Variants in NLRC5 observed in about 807,000 individuals in gnomAD.
NLRC5 encodes protein NLRC5.
Under a neutral mutation model 206.9 loss-of-function variants are expected in NLRC5, and 114 were observed. That is an observed-to-expected ratio of 0.55 (90% CI 0.47 to 0.64). NLRC5 has a LOEUF of 0.64. Among genes scored for constraint, NLRC5 ranks in the 30% least tolerant of loss-of-function variants. NLRC5 has a pLI of 0.00. For missense variants in NLRC5, 2,008 were observed against 2,305.5 expected, an observed-to-expected ratio of 0.87 and a Z score of 2.64; for synonymous variants, 952 against 962.8, an observed-to-expected ratio of 0.99 and a Z score of 0.21.
At chr16:57,045,039 T>C (rs2063759518) in intron 20 of NLRC5, among the ~76,000 whole-genome samples, 1 of 152,012 alleles carries the variant, frequency 6.6e-6, no homozygotes, top group African/African-American at 2.4e-5. Flanking sequence ...ACCCCATCTC[T>C]ACAAAAAATA....
rs920500899 is a variant in NLRC5, at chr16:57,064,793, G to A, written c.4155-419G>A. 5.9e-5 allele frequency among the ~76,000 whole-genome samples: 9 copies of A among 151,948 alleles called. 1 individual carries two copies. The highest frequency in any genetic ancestry group is 1.9e-4 in the East Asian group (1 of 5,190). ...ACAAAAATTAGCCAGGCGTGGTGGC[G>A]CATGCCTGTAATCCCAGCTACTTGG... On this transcript the variant is annotated intron_variant, in intron 32 of 48. Transcript: ENST00000688547.
At chr16:57,036,008 C>T (rs879179314) in intron 13 of NLRC5, 92 bp from the exon 14 acceptor site, 13 of 1,228,934 alleles carry the variant, frequency 1.1e-5, no homozygotes, top group Non-Finnish European at 1.5e-5. Context: ...GAGAGTGACA[C>T]TTTGACTAAA....
In NLRC5 at chr16:57,061,461, A is replaced by C. The variant is rs762503616; in HGVS notation, c.4000A>C (p.Ser1334Arg). The C allele has an allele frequency of 6.2e-7, 1 of 1,611,488 alleles. No homozygotes were observed. Residue 1334 changes from serine to arginine, a missense_variant, in exon 31 of 49, where the codon AGC becomes CGC. Coordinates refer to ENST00000688547, the MANE Select transcript of NLRC5 (RefSeq NM_001384950.1). ...TTCTGCCCTCAGGCTAAGTGAGTGC[A>C]GCTTCCGGCCAGAGCACGTGTCCAG... ...AGKTLRLSEC[S>R]FRPEHVSRLA...
intron 1 of NLRC5, among the ~76,000 whole-genome samples, chr16:57,006,545 TG>T: frequency 6.6e-6 from 1 of 151,758 alleles, no homozygotes; most frequent in Non-Finnish European, 1.5e-5. Context: ...CCTGAGTGGC[TG>T]GATGCTGCTT....
At chr16:57,047,016 C>T (rs144057809) in intron 22 of NLRC5, among the ~76,000 whole-genome samples, 2,371 of 152,322 alleles carry the variant, frequency 0.016, 38 homozygotes, top group Non-Finnish European at 0.018. Context: ...CAAGCTCTGC[C>T]ATGAGAGGCT....
chr16:57,011,899 G>A (rs2059549685), intron 1 of NLRC5, among the ~76,000 whole-genome samples: 1 of 152,088 alleles, frequency 6.6e-6, no homozygotes, highest in South Asian at 2.1e-4. Flanking sequence ...ACTTCATTGA[G>A]GTGTAATTTA....
At chr16:57,035,396 A>ATGT (rs2062423912) in intron 13 of NLRC5, among the ~76,000 whole-genome samples, 1 of 151,996 alleles carries the variant, frequency 6.6e-6, no homozygotes, top group Non-Finnish European at 1.5e-5. Flanking sequence ...ACTGCTCAGG[A>ATGT]TAAAACCCAC....
intron 1 of NLRC5, among the ~76,000 whole-genome samples, chr16:57,005,511 A>G (rs78459786): frequency 0.045 from 6,791 of 151,098 alleles, 253 homozygotes; most frequent in South Asian, 0.18. Context: ...AAAAAAAAAA[A>G]AGAGAAAGAA....
intron 2 of NLRC5, among the ~76,000 whole-genome samples, chr16:57,017,575 G>A (rs2142845596): frequency 6.6e-6 from 1 of 152,236 alleles, no homozygotes; most frequent in Admixed American, 6.5e-5. Context: ...TGTCTCGTGT[G>A]GATTGACTGG....
At chr16:57,067,499 C>A (rs2067196933) in intron 35 of NLRC5, 29 bp downstream of exon 35, 8 of 1,603,808 alleles carry the variant, frequency 5.0e-6, no homozygotes, top group Non-Finnish European at 6.8e-6. Flanking sequence ...TGTGTGGGGC[C>A]CTGAGTTCTC....
chr16:57,035,752 G>T (rs1208461293), intron 13 of NLRC5, among the ~76,000 whole-genome samples: 2 of 152,220 alleles, frequency 1.3e-5, no homozygotes, highest in Non-Finnish European at 2.9e-5. Context: ...AGTTGAGGGT[G>T]GGGCCTTGAA....
intron 6 of NLRC5, among the ~76,000 whole-genome samples, chr16:57,027,554 C>G (rs778135535): frequency 4.6e-5 from 7 of 152,230 alleles, no homozygotes; most frequent in Non-Finnish European, 8.8e-5. Flanking sequence ...AATTTTATTT[C>G]TCTCTCATGG....
chr16:57,051,743 C>T, intron 24 of NLRC5, 122 bp downstream of exon 24: 1 of 684,624 alleles, frequency 1.5e-6, no homozygotes, highest in Non-Finnish European at 2.6e-6. Flanking sequence ...CTCCAACCCC[C>T]TCTACCCGCT....
chr16:57,020,736 C>G lies in NLRC5; in HGVS notation c.24C>G (p.Leu8=). 1 of 1,611,302 alleles carries G rather than the reference C, an allele frequency of 6.2e-7. No homozygotes were observed. The highest frequency in any genetic ancestry group is 8.5e-7 in the Non-Finnish European group (1 of 1,179,432). The part of the protein sequence containing the change: MDPVGLQ[L]GNKNLWSCLV... ...TCATGGACCCCGTTGGCCTCCAGCT[C>G]GGCAACAAGAACCTGTGGAGCTGTC... The change falls in exon 3 of 49, where the codon CTC becomes CTG. Residue 8 remains leucine (L), a synonymous_variant. Coordinates refer to ENST00000688547, the MANE Select transcript of NLRC5 (RefSeq NM_001384950.1).
At position 57,057,933 on chromosome 16, in the gene NLRC5, T is replaced by C. The variant is rs1597389416; in HGVS notation, c.3747-132T>C. On this transcript the variant is annotated intron_variant, in intron 27 of 48. Coordinates refer to ENST00000688547, the MANE Select transcript of NLRC5 (RefSeq NM_001384950.1). ...GTGGTGATACTGGTGATGGTGGTGA[T>C]GGTGGTGGCGCTGGTGACCCTGACA... The C allele has an allele frequency of 5.7e-6, 4 of 704,742 alleles. No individual in the cohort carries two copies. In the East Asian group the frequency reaches 1.1e-4, roughly 19 times the overall value. 43.7% of individuals were successfully genotyped at this position (704,742 alleles called of 1,614,324 possible). A position where few individuals can be genotyped will look rare whatever the true frequency, so the allele number is the denominator to read the frequency against.
chr16:57,033,520 G>A, intron 11 of NLRC5, 84 bp from the exon 12 acceptor site: 1 of 1,343,864 alleles, frequency 7.4e-7, no homozygotes, highest in Non-Finnish European at 1.1e-6. Flanking sequence ...AGGGTCTTCA[G>A]CCTCTAGAAG....
rs756086053 is a variant in NLRC5 at position 57,079,165 on chromosome 16, G to T, written c.5165+32G>T. ...AGGGGCTGCCCAGCCCAGGCACGGG[G>T]ACAGTCCTGGGCGGGTCTGGGGGTT... On this transcript the variant is annotated intron_variant, in intron 44 of 48. Transcript: ENST00000688547. The T allele has an allele frequency of 4.3e-6, 7 of 1,613,114 alleles. No homozygotes were observed. The South Asian group carries it at 4.4e-5, about 10-fold the overall frequency.
chr16:57,060,127 T>C (rs1262305440), intron 30 of NLRC5, among the ~76,000 whole-genome samples: 2 of 151,692 alleles, frequency 1.3e-5, no homozygotes, highest in Non-Finnish European at 2.9e-5. Context: ...TTACTTCAGC[T>C]GTGAACAGGG....
At chr16:57,037,383 G>C in intron 15 of NLRC5, 99 bp downstream of exon 15, 1 of 1,106,464 alleles carries the variant, frequency 9.0e-7, no homozygotes, top group South Asian at 1.3e-5. Flanking sequence ...GGGACGGGCA[G>C]AAGATGCTGC....
Sources: allele counts gnomAD v4.1 joint callset (sites outside exome capture counted in the v4.1 genomes callset), GRCh38; gene constraint gnomAD v4.1.1; transcripts MANE v1.5; gene names NCBI Gene and HGNC (gene_info 2026-07-23, HGNC 2026-07-21).